The following XKR9 variants were observed in gnomAD, a reference collection of about 807,000 sequenced individuals.
XKR9 encodes XK-related protein 9.
XKR9 carries 32 observed loss-of-function variants against 32.0 expected under a neutral mutation model. The observed-to-expected ratio is 1.00, with a 90% CI of 0.76 to 1.34. The LOEUF is 1.34. XKR9 is among the 40% of genes most tolerant of loss of function. The pLI is 0.00. For synonymous variants in XKR9, 168 were observed against 143.4 expected, an observed-to-expected ratio of 1.17 and a Z score of -1.22; for missense variants, 546 against 429.7, an observed-to-expected ratio of 1.27 and a Z score of -2.39.
the XKR9 span, among the ~76,000 whole-genome samples, chr8:70,944,834 ACT>A: frequency 2.0e-5 from 3 of 152,094 alleles, no homozygotes; most frequent in South Asian, 2.1e-4. Context: ...CACAAAAATC[ACT>A]CTGTTAAATT....
chr8:70,813,466 C>A, the XKR9 span, among the ~76,000 whole-genome samples: 1 of 152,174 alleles, frequency 6.6e-6, no homozygotes, highest in South Asian at 2.1e-4. Context: ...TAAAGAGCTT[C>A]TGCACAGCAA....
rs182924921 is a variant in XKR9 at position 70,719,575 on chromosome 8, G to T, written c.493+12422G>T. The stretch of plus-strand genomic sequence containing the variant: ...TTAAATAGGGAATCCTTTCCTCTTT[G>T]CTTGTTTTTGTCAAAGATCAGATGG... On this transcript the variant is annotated intron_variant, in intron 4 of 4. Transcript: ENST00000408926. Among the ~76,000 whole-genome samples, 825 of 151,746 alleles carry T rather than the reference G, an allele frequency of 5.4e-3. 11 individuals are homozygous for T. Among genetic ancestry groups the T allele is most frequent in the African/African-American group, 0.019 (791 of 41,472 alleles).
intron 2 of XKR9, among the ~76,000 whole-genome samples, chr8:70,755,023 G>A (rs1041161610): frequency 6.6e-6 from 1 of 151,962 alleles, no homozygotes; most frequent in African/African-American, 2.4e-5. Context: ...ATCTGACAAA[G>A]GGCTAATATC....
chr8:70,699,758 G>A (rs909831659), intron 3 of XKR9, among the ~76,000 whole-genome samples: 1 of 152,150 alleles, frequency 6.6e-6, no homozygotes, highest in Non-Finnish European at 1.5e-5. Flanking sequence ...AGTTCTCCTG[G>A]ATAATATCCT....
At chr8:70,688,934 C>G (rs915939171) in intron 3 of XKR9, among the ~76,000 whole-genome samples, 6 of 152,112 alleles carry the variant, frequency 3.9e-5, no homozygotes, top group Non-Finnish European at 7.4e-5. Flanking sequence ...TCCTTTATAA[C>G]TTTGAAATGG....
downstream of XKR9, among the ~76,000 whole-genome samples, chr8:70,738,090 A>G (rs868202114): frequency 2.5e-5 from 3 of 121,652 alleles, no homozygotes; most frequent in African/African-American, 8.3e-5. Flanking sequence ...CTGTGAATCC[A>G]TCTGGTCCTG....
chr8:71,015,874 C>A, the XKR9 span, among the ~76,000 whole-genome samples: 2 of 151,944 alleles, frequency 1.3e-5, no homozygotes, highest in South Asian at 2.1e-4. Context: ...TGACATCTAT[C>A]AAATCAAAAA....
chr8:70,848,059 A>T, the XKR9 span, among the ~76,000 whole-genome samples: 1 of 152,156 alleles, frequency 6.6e-6, no homozygotes, highest in Non-Finnish European at 1.5e-5. Flanking sequence ...TAGATGCAAA[A>T]ATTCTCAACA....
chr8:70,894,503 C>T, the XKR9 span, among the ~76,000 whole-genome samples: 1 of 152,122 alleles, frequency 6.6e-6, no homozygotes, highest in Non-Finnish European at 1.5e-5. Context: ...GGATGCCCAG[C>T]TATTCAGCTC....
chr8:70,780,432 A>C (rs751644422), intron 2 of XKR9, among the ~76,000 whole-genome samples: 2 of 151,964 alleles, frequency 1.3e-5, no homozygotes, highest in Non-Finnish European at 2.9e-5. Context: ...TTGTGTTCTC[A>C]TTATTCTTTA....
chr8:70,739,981 G>T (rs1451308897), downstream of XKR9, among the ~76,000 whole-genome samples: 2 of 152,058 alleles, frequency 1.3e-5, no homozygotes, highest in Non-Finnish European at 2.9e-5. Flanking sequence ...TCTTTGTGGC[G>T]TTCTCTGTAT....
chr8:71,044,804 C>T, the XKR9 span, among the ~76,000 whole-genome samples: 6 of 152,196 alleles, frequency 3.9e-5, no homozygotes, highest in South Asian at 1.0e-3. Context: ...AATAAATAGG[C>T]ATGTATGTAA....
At chr8:70,972,229 G>A in the XKR9 span, among the ~76,000 whole-genome samples, 17 of 152,064 alleles carry the variant, frequency 1.1e-4, no homozygotes, top group Admixed American at 5.9e-4. Context: ...TGCACATATC[G>A]TGAAAGGGGT....
the XKR9 span, among the ~76,000 whole-genome samples, chr8:71,034,547 C>T: frequency 2.0e-4 from 31 of 152,290 alleles, 1 homozygote; most frequent in Admixed American, 8.5e-4. Flanking sequence ...CCTGAATTGT[C>T]ATGTAAGAAT....
At chr8:70,917,655 T>C in the XKR9 span, among the ~76,000 whole-genome samples, 1 of 152,228 alleles carries the variant, frequency 6.6e-6, no homozygotes, top group Non-Finnish European at 1.5e-5. Flanking sequence ...GCTGAATCTA[T>C]TCAGCTTTCT....
chr8:70,812,780 G>A, the XKR9 span, among the ~76,000 whole-genome samples: 84 of 152,164 alleles, frequency 5.5e-4, 1 homozygote, highest in Middle Eastern at 3.4e-3. Flanking sequence ...CCACTGCTCA[G>A]TGAAATAAAA....
At chr8:70,716,524 A>T (rs561023311) in intron 4 of XKR9, among the ~76,000 whole-genome samples, 1 of 152,270 alleles carries the variant, frequency 6.6e-6, no homozygotes, top group South Asian at 2.1e-4. Context: ...AGCCGAATGA[A>T]GGGGGAAGCC....
the XKR9 span, among the ~76,000 whole-genome samples, chr8:71,017,029 T>C: frequency 7.7e-4 from 117 of 152,350 alleles, no homozygotes; most frequent in Middle Eastern, 3.4e-3. Flanking sequence ...AATAACTATG[T>C]AAGTTAAGTA....
chr8:70,994,101 A>T, the XKR9 span, among the ~76,000 whole-genome samples: 11 of 152,222 alleles, frequency 7.2e-5, no homozygotes, highest in East Asian at 1.9e-4. Context: ...TGAGAAATAA[A>T]TTTTTTTTAT....
Sources: allele counts gnomAD v4.1 joint callset (sites outside exome capture counted in the v4.1 genomes callset), GRCh38; gene constraint gnomAD v4.1.1; transcripts MANE v1.5; gene names NCBI Gene and HGNC (gene_info 2026-07-23, HGNC 2026-07-21).